CCDC88A: variants seen among roughly 807,000 people sequenced by gnomAD.
The protein encoded by CCDC88A is girdin.
A neutral mutation model predicts 234.3 loss-of-function variants in CCDC88A; 54 were observed. That is an observed-to-expected ratio of 0.23 (90% CI 0.19 to 0.29). The LOEUF is 0.29. Among genes scored for constraint, CCDC88A ranks in the 10% least tolerant of loss-of-function variants. CCDC88A has a pLI of 1.00. For missense variants in CCDC88A, 1,832 were observed against 2,123.4 expected (o/e 0.86, Z 2.70); for synonymous variants, 753 against 737.8 (o/e 1.02, Z -0.33).
In CCDC88A at chr2:55,322,575, T is replaced by C; in HGVS notation, c.3115A>G (p.Arg1039Gly). ...KWERESQETT[R>G]ELLKVKDRLI... is the part of the protein sequence containing the mutation. The stretch of plus-strand genomic sequence containing the variant: ...CTGTCTTTAACTTTCAGAAGTTCTC[T>C]AGTCGTTTCTTGACTTTCTCGCTCC... The change falls in exon 18 of 33, where the codon AGA (arginine) becomes GGA (glycine). Residue 1039 changes from arginine (R) to glycine (G), a missense_variant. Physicochemically the swap from Arg to Gly is moderately radical, Grantham distance 125. This residue lies in a region of CCDC88A where 1,282 missense variants were observed against 1,543.6 expected (regional missense o/e 0.83). Coordinates refer to ENST00000436346, the MANE Select transcript of CCDC88A (RefSeq NM_001365480.1). 1 of 1,608,498 alleles carries C rather than the reference T, an allele frequency of 6.2e-7. No homozygotes were observed.
At chr2:55,391,720 A>C (rs1379233856) in intron 2 of CCDC88A, among the ~76,000 whole-genome samples, 1 of 152,164 alleles carries the variant, frequency 6.6e-6, no homozygotes, top group Admixed American at 6.5e-5. Context: ...CAGTCCAAAG[A>C]AGCATGGAGA....
chr2:55,335,751 T>C lies in CCDC88A; in HGVS notation c.1657-587A>G, dbSNP rs1574158737. 1.3e-5 allele frequency among the ~76,000 whole-genome samples: 2 copies of C among 152,212 alleles called. No individual in the cohort carries two copies. Among genetic ancestry groups the C allele is most frequent in the Admixed American group, 6.5e-5 (1 of 15,276 alleles). On this transcript the variant is annotated intron_variant, in intron 14 of 32. Coordinates refer to ENST00000436346, the MANE Select transcript of CCDC88A (RefSeq NM_001365480.1). This position sits in a 1 kb window ranked among gnomAD's most constrained non-coding sequence, Gnocchi z 4.5. ...ATCTAATACAATGATTCTCAAAATT[T>C]AGTGTGTTAAATAATCTCAACAAGC...
At chr2:55,397,942 T>A (rs1010550168) in intron 2 of CCDC88A, among the ~76,000 whole-genome samples, 1 of 152,122 alleles carries the variant, frequency 6.6e-6, no homozygotes, top group African/African-American at 2.4e-5. Context: ...AAAATAATTC[T>A]GGGTATAAAA....
chr2:55,397,505 TG>T (rs1677828139), intron 2 of CCDC88A: 1 of 152,180 alleles, frequency 6.6e-6, no homozygotes, highest in South Asian at 2.1e-4. Context: ...TATACTAATT[TG>T]GATTATCCAA....
chr2:55,325,034 A>T (rs781408823), intron 17 of CCDC88A, among the ~76,000 whole-genome samples: 3 of 152,238 alleles, frequency 2.0e-5, no homozygotes, highest in African/African-American at 4.8e-5. Flanking sequence ...TGACAGTTCC[A>T]GTTGCTCCCA....
intron 8 of CCDC88A, 103 bp from the exon 9 acceptor site, chr2:55,349,702 C>A: frequency 1.4e-5 from 10 of 717,800 alleles, no homozygotes; most frequent in South Asian, 1.9e-5. Context: ...ACTAGTTGGA[C>A]ATAGTATTAG....
At position 55,303,125 on chromosome 2, in the gene CCDC88A, A is replaced by G; in HGVS notation, c.4415T>C (p.Leu1472Ser). The G allele has an allele frequency of 6.4e-7, 1 of 1,551,394 alleles. No individual in the cohort carries two copies. The highest frequency in any genetic ancestry group is 1.4e-5 in the African/African-American group (1 of 73,144). Reference sequence around the variant, plus strand: ...GTCTTTATCCTTCGGTCTGTTCCTCAAAAAGGGCAGTCTTTTCAGTGCAAC... The same window carrying G: ...GTCTTTATCCTTCGGTCTGTTCCTCGAAAAGGGCAGTCTTTTCAGTGCAAC... ...SMVALKRLPFLRNRPKDKDKM... is the reference protein window; with the variant it reads ...SMVALKRLPFSRNRPKDKDKM... The change falls in exon 26 of 33, where the codon TTG (leucine) becomes TCG (serine). Residue 1472 changes from leucine (L) to serine (S), a missense_variant. Around this residue, in one of 6 missense-constraint regions of CCDC88A, gnomAD observed 1,282 missense variants for 1,543.6 expected, o/e 0.83. Coordinates refer to ENST00000436346, the MANE Select transcript of CCDC88A (RefSeq NM_001365480.1).
intron 8 of CCDC88A, 178 bp from the exon 9 acceptor site, chr2:55,349,777 C>A: frequency 4.0e-6 from 2 of 499,574 alleles, no homozygotes; most frequent in Admixed American, 3.8e-5. Flanking sequence ...TAATTAGATG[C>A]CATTAATAAA....
At chr2:55,316,425 A>T (rs1010147490) in intron 21 of CCDC88A, among the ~76,000 whole-genome samples, 1 of 152,184 alleles carries the variant, frequency 6.6e-6, no homozygotes, top group African/African-American at 2.4e-5. Flanking sequence ...TATTAATAAG[A>T]AAGTATTGGC....
chr2:55,380,061 TAA>T (rs57314271), intron 3 of CCDC88A, among the ~76,000 whole-genome samples: 23,664 of 74,252 alleles, frequency 0.32, 2,610 homozygotes, highest in East Asian at 0.51. Context: ...CTGTCTCTAC[TAA>T]AAAAAAAAAA....
chr2:55,347,094 T>C (rs763965104), intron 9 of CCDC88A, among the ~76,000 whole-genome samples: 1 of 152,150 alleles, frequency 6.6e-6, no homozygotes. Flanking sequence ...AAATAAATCA[T>C]TAATTACTGT....
chr2:55,378,959 T>C (rs1674148810), intron 3 of CCDC88A, among the ~76,000 whole-genome samples: 1 of 152,152 alleles, frequency 6.6e-6, no homozygotes, highest in Non-Finnish European at 1.5e-5. Context: ...TTGGCCAGGC[T>C]GGTCTCAAAC....
chr2:55,307,203 A>T (rs1435391499), intron 25 of CCDC88A, among the ~76,000 whole-genome samples: 3 of 152,208 alleles, frequency 2.0e-5, no homozygotes, highest in Non-Finnish European at 1.5e-5. Flanking sequence ...CTTGGAATAT[A>T]CTTCCAAAGC....
In CCDC88A at chr2:55,332,803, C is replaced by T; in HGVS notation, c.2728-110G>A. 1.1e-6 allele frequency: 1 copy of T among 883,412 alleles called. No individual in the cohort carries two copies. The highest frequency in any genetic ancestry group is 1.7e-5 in the South Asian group (1 of 58,638). The allele number at this position is 883,412 out of a possible 1,614,324, so 54.7% of individuals were successfully genotyped here. On this transcript the variant is annotated intron_variant, in intron 15 of 32. Coordinates refer to ENST00000436346, the MANE Select transcript of CCDC88A (RefSeq NM_001365480.1). This position sits in a 1 kb window ranked among gnomAD's most constrained non-coding sequence, Gnocchi z 4.5. ...ATCTAGGAATACATGTAATTTGAAC[C>T]AGGAAATGTCATTAAACCATTCCTT...
At chr2:55,361,391 A>T (rs1671292484) in intron 7 of CCDC88A, among the ~76,000 whole-genome samples, 1 of 152,154 alleles carries the variant, frequency 6.6e-6, no homozygotes, top group African/African-American at 2.4e-5. Flanking sequence ...AGCTTTTTAA[A>T]AAATTTAATT....
At chr2:55,306,642 GTGGTGCA>G in intron 25 of CCDC88A, among the ~76,000 whole-genome samples, 1 of 152,236 alleles carries the variant, frequency 6.6e-6, no homozygotes, top group South Asian at 2.1e-4. Context: ...CTGGAGTGCA[GTGGTGCA>G]ATATTGGCTT....
intron 17 of CCDC88A, among the ~76,000 whole-genome samples, chr2:55,326,372 A>G (rs1684264595): frequency 6.6e-6 from 1 of 152,074 alleles, no homozygotes; most frequent in Non-Finnish European, 1.5e-5. Flanking sequence ...CATATTACCT[A>G]TACCTCTTTG....
rs1304920627 is a variant in CCDC88A, at chr2:55,419,058, G to T, written c.22C>A (p.Pro8Thr). Residue 8 changes from proline to threonine, a missense_variant, in exon 1 of 33, where the codon CCC (proline) becomes ACC (threonine). Around this residue, in one of 6 missense-constraint regions of CCDC88A, gnomAD observed 36 missense variants for 44.0 expected, o/e 0.82. Transcript: ENST00000436346. ...CTGGTCATGAACTGCTCCAGAAGGG[G>T]AGTAAAAATTTCGTTCTCCATTTTA... MENEIFT[P>T]LLEQFMTSPL... 6.2e-7 allele frequency: 1 copy of T among 1,612,804 alleles called. No homozygotes were observed. The highest frequency in any genetic ancestry group is 1.1e-5 in the South Asian group (1 of 91,024).
rs1680891783 is a variant in CCDC88A at position 55,301,437 on chromosome 2, A to G, written c.4673-160T>C. 3 of 524,392 alleles carry G rather than the reference A, an allele frequency of 5.7e-6. No individual in the cohort carries two copies. The South Asian group carries it at 8.2e-5, about 14-fold the overall frequency. The allele number at this position is 524,392 out of a possible 1,614,324, so 32.5% of individuals were successfully genotyped here. On this transcript the variant is annotated intron_variant, in intron 27 of 32. Transcript: ENST00000436346. Reference sequence around the variant, plus strand: ...CAACTAGAAACTGGAACTAGGAATAAGAAAAATGACAACTCTCATTAGAGT... The same window carrying G: ...CAACTAGAAACTGGAACTAGGAATAGGAAAAATGACAACTCTCATTAGAGT...
Sources: gnomAD v4.1 joint callset for allele counts (sites outside exome capture counted in the v4.1 genomes callset) on GRCh38, gnomAD v4.1.1 for gene constraint, gnomAD v4.1.1 regional missense constraint, Gnocchi (gnomAD v3.1) non-coding constraint, MANE v1.5 for transcripts, NCBI Gene and HGNC (gene_info 2026-07-23, HGNC 2026-07-21) for gene names.